The following HAUS3 variants were observed in gnomAD, a reference collection of about 807,000 sequenced individuals.
HAUS3 encodes the protein HAUS augmin like complex subunit 3.
Under a neutral mutation model 55.2 loss-of-function variants are expected in HAUS3, and 36 were observed. The ratio of observed to expected loss-of-function variants is 0.65; its 90% CI spans 0.50 to 0.86. The LOEUF is 0.86. HAUS3 is among the 40% of genes least tolerant of loss of function. The pLI is 0.00. For synonymous variants in HAUS3, 234 were observed against 238.6 expected (o/e 0.98, Z 0.18); for missense variants, 752 against 671.5 (o/e 1.12, Z -1.33).
At chr4:2,239,795 C>T (rs1239201297) in intron 3 of HAUS3, among the ~76,000 whole-genome samples, 3 of 152,202 alleles carry the variant, frequency 2.0e-5, no homozygotes, top group Non-Finnish European at 4.4e-5. Context: ...CAAATTAAAG[C>T]ACTTTTGTTT....
chr4:2,228,349 T>C lies in HAUS3; in HGVS notation c.*3578A>G, dbSNP rs1684451591. 7.5e-6 allele frequency: 1 copy of C among 133,948 alleles called. No individual in the cohort carries two copies. The highest frequency in any genetic ancestry group is 1.6e-5 in the Non-Finnish European group (1 of 64,066). 8.3% of individuals were successfully genotyped at this position (133,948 alleles called of 1,614,324 possible). A position where few individuals can be genotyped will look rare whatever the true frequency, so the allele number is the denominator to read the frequency against. On this transcript the variant is annotated 3_prime_UTR_variant, in exon 6 of 6. Transcript: ENST00000443786. ...TTTGTGAGCATATCACTGCTTTCAC[T>C]TTTTTTTTTTTTTTTTTTTGAGATA...
intron 5 of HAUS3, among the ~76,000 whole-genome samples, chr4:2,233,907 C>T (rs937749906): frequency 4.8e-5 from 7 of 145,162 alleles, no homozygotes; most frequent in Non-Finnish European, 7.4e-5. Context: ...GCAATCTGGC[C>T]ATATCAAAGG....
At chr4:2,232,565 T>C (rs1271447517) in intron 5 of HAUS3, among the ~76,000 whole-genome samples, 1 of 152,224 alleles carries the variant, frequency 6.6e-6, no homozygotes, top group African/African-American at 2.4e-5. Context: ...CTGTTTATTC[T>C]GGACAGAAGG....
intron 1 of HAUS3, 124 bp from the exon 2 acceptor site, chr4:2,241,914 C>CG (rs1735004428): frequency 2.0e-6 from 2 of 985,390 alleles, no homozygotes; most frequent in African/African-American, 3.5e-5. Context: ...CCCTGATCCC[C>CG]GGGCAGCTGC....
rs921670193 is a variant in HAUS3 at position 2,229,256 on chromosome 4, T to A, written c.*2671A>T. 5 of 1,572,352 alleles carry A rather than the reference T, an allele frequency of 3.2e-6. No homozygotes were observed. The highest frequency in any genetic ancestry group is 4.3e-6 in the Non-Finnish European group (5 of 1,155,516). On this transcript the variant is annotated 3_prime_UTR_variant, in exon 6 of 6. Transcript: ENST00000443786. Reference sequence around the variant, plus strand: ...TTTTCACAAAATCCTAAATGTAAGATTAACATAAGATAAATCCCATATATT... The same window carrying A: ...TTTTCACAAAATCCTAAATGTAAGAATAACATAAGATAAATCCCATATATT...
chr4:2,241,030 C>G lies in HAUS3; in HGVS notation c.-84G>C. 1 of 1,038,174 alleles carries G rather than the reference C, an allele frequency of 9.6e-7. No individual in the cohort carries two copies. Among genetic ancestry groups the G allele is most frequent in the Non-Finnish European group, 1.4e-6 (1 of 704,880 alleles). 64.3% of individuals were successfully genotyped at this position (1,038,174 alleles called of 1,614,324 possible). A position where few individuals can be genotyped will look rare whatever the true frequency, so the allele number is the denominator to read the frequency against. ...AAAATAAATCCAAGCAGAAAAAAAGCTACGTTTTATACCAAGTCCACAGAG... is the reference window on the plus strand; with the variant it reads ...AAAATAAATCCAAGCAGAAAAAAAGGTACGTTTTATACCAAGTCCACAGAG... On this transcript the variant is annotated 5_prime_UTR_variant, in exon 3 of 6. Transcript: ENST00000443786.
intron 5 of HAUS3, among the ~76,000 whole-genome samples, chr4:2,232,633 ATTTTTCAT>A (rs1395009631): frequency 6.6e-6 from 1 of 152,090 alleles, no homozygotes; most frequent in Non-Finnish European, 1.5e-5. Flanking sequence ...ACAAATCTCC[ATTTTTCAT>A]TTTTTCATAT....
chr4:2,238,830 T>A lies in HAUS3; in HGVS notation c.1123A>T (p.Asn375Tyr). Residue 375 changes from asparagine (N) to tyrosine (Y), a missense_variant, in exon 4 of 6, where the codon AAT (asparagine) becomes TAT (tyrosine). Coordinates refer to ENST00000443786, the MANE Select transcript of HAUS3 (RefSeq NM_001303143.2). ...GATGCCTTTTGTTTTATTAATTGAT[T>A]TAAAACTAACTCTTGTCTTGCTGTA... ...YYTARQELVL[N>Y]QLIKQKASFE... 6.2e-7 allele frequency: 1 copy of A among 1,613,050 alleles called. No individual in the cohort carries two copies.
rs1734991489 is a variant in HAUS3, at chr4:2,241,614, A to T, written c.-242T>A. On this transcript the variant is annotated 5_prime_UTR_variant, in exon 2 of 6. Transcript: ENST00000443786. ...GCAGGGAAGCGCGCGGCCACAATTA[A>T]GGGTGCTTCGGGCCGGCCTTCAGCC... 1.0e-6 allele frequency: 1 copy of T among 985,366 alleles called. No homozygotes were observed. Among genetic ancestry groups the T allele is most frequent in the African/African-American group, 1.7e-5 (1 of 57,218 alleles). 61.0% of individuals were successfully genotyped at this position (985,366 alleles called of 1,614,324 possible). A position where few individuals can be genotyped will look rare whatever the true frequency, so the allele number is the denominator to read the frequency against.
Position 2,236,419 on chromosome 4 carries a change from C to T in HAUS3, c.1387G>A (p.Glu463Lys), listed in dbSNP as rs773502926. ...AGGTTTCCATGAGTTAGAAACAATT[C>T]TTTTTTCTTATTCTCTCCCTCCAAA... ...QVLEGENKKKELFLTHGNLEE... is the reference protein window; with the variant it reads ...QVLEGENKKKKLFLTHGNLEE... The change falls in exon 5 of 6, where the codon GAA (glutamate) becomes AAA (lysine). Residue 463 changes from glutamate to lysine, a missense_variant. By Grantham distance (56) the Glu-to-Lys change is moderately conservative. Coordinates refer to ENST00000443786, the MANE Select transcript of HAUS3 (RefSeq NM_001303143.2). 6.2e-7 allele frequency: 1 copy of T among 1,613,140 alleles called. No homozygotes were observed. Among genetic ancestry groups the T allele is most frequent in the East Asian group, 2.2e-5 (1 of 44,838 alleles).
chr4:2,239,184 A>T (rs956330022), intron 3 of HAUS3, 141 bp from the exon 4 acceptor site: 2 of 516,964 alleles, frequency 3.9e-6, no homozygotes, highest in Non-Finnish European at 6.6e-6. Flanking sequence ...ATAAACAAAA[A>T]TTACAGTTTA....
Position 2,240,937 on chromosome 4 carries a change from C to T in HAUS3, c.10G>A (p.Gly4Arg), listed in dbSNP as rs763377769. Residue 4 changes from glycine to arginine, a missense_variant, in exon 3 of 6, where the codon GGA becomes AGA. Transcript: ENST00000443786. ...TTTAATGTTTCCACAAACTCATTTC[C>T]ACAACTCATGGTTTTAACTACCCCA... MSC[G>R]NEFVETLKKI... The T allele has an allele frequency of 6.3e-7, 1 of 1,594,710 alleles. No individual in the cohort carries two copies. Among genetic ancestry groups the T allele is most frequent in the Non-Finnish European group, 8.5e-7 (1 of 1,178,070 alleles).
At position 2,228,979 on chromosome 4, in the gene HAUS3, G is replaced by A. The variant is rs1734480503; in HGVS notation, c.*2948C>T. ...GAAGCTCAGTCTGCACTGAATGAGT[G>A]TAAAAGGGGCGGGAGCTGGGCTTCA... On this transcript the variant is annotated 3_prime_UTR_variant, in exon 6 of 6. Coordinates refer to ENST00000443786, the MANE Select transcript of HAUS3 (RefSeq NM_001303143.2). 3.0e-6 allele frequency: 3 copies of A among 990,430 alleles called. No individual in the cohort carries two copies. The highest frequency in any genetic ancestry group is 2.6e-5 in the East Asian group (1 of 37,936). The allele number at this position is 990,430 out of a possible 1,614,324, so 61.4% of individuals were successfully genotyped here.
At chr4:2,235,879 T>G (rs1052778513) in intron 5 of HAUS3, among the ~76,000 whole-genome samples, 10 of 152,176 alleles carry the variant, frequency 6.6e-5, no homozygotes, top group Non-Finnish European at 1.5e-5. Flanking sequence ...CATGTACCAT[T>G]AAGTGTACAC....
In HAUS3 at chr4:2,229,143, G is replaced by A. The variant is rs201278233; in HGVS notation, c.*2784C>T. 5.0e-6 allele frequency: 8 copies of A among 1,611,090 alleles called. No homozygotes were observed. In the African/African-American group the frequency reaches 5.3e-5, roughly 11 times the overall value. On this transcript the variant is annotated 3_prime_UTR_variant, in exon 6 of 6. Transcript: ENST00000443786. Reference sequence around the variant, plus strand: ...AGTCTTAGAATCCACTAAATCACCTGAATGCATAGCAGACATAATCTTCTG... The same window carrying A: ...AGTCTTAGAATCCACTAAATCACCTAAATGCATAGCAGACATAATCTTCTG...
Position 2,241,560 on chromosome 4 carries a change from C to A in HAUS3, c.-188G>T. On this transcript the variant is annotated 5_prime_UTR_variant, in exon 2 of 6. Transcript: ENST00000443786. ...GGCAAGGCTCCACCTCCAGAGTCCA[C>A]CACCGCGACGCGGAGAACAGCAGGA... The A allele has an allele frequency of 3.0e-6, 3 of 985,872 alleles. No homozygotes were observed. Among genetic ancestry groups the A allele is most frequent in the Non-Finnish European group, 3.6e-6 (3 of 830,272 alleles). 61.1% of individuals were successfully genotyped at this position (985,872 alleles called of 1,614,324 possible).
At position 2,240,318 on chromosome 4, in the gene HAUS3, C is replaced by T; in HGVS notation, c.629G>A (p.Ser210Asn). The T allele has an allele frequency of 6.2e-7, 1 of 1,606,730 alleles. No homozygotes were observed. The highest frequency in any genetic ancestry group is 8.5e-7 in the Non-Finnish European group (1 of 1,175,484). ...LEKYLSQEEQ[S>N]TAALTLYTKK... is the part of the protein sequence containing the mutation. ...GGTATACAAAGTTAATGCTGCTGTG[C>T]TTTGCTCTTCCTGACTTAGGTATTT... The change falls in exon 3 of 6, where the codon AGC becomes AAC. Residue 210 changes from serine to asparagine, a missense_variant. Coordinates refer to ENST00000443786, the MANE Select transcript of HAUS3 (RefSeq NM_001303143.2).
Position 2,234,665 on chromosome 4 carries a change from T to A in HAUS3, c.1578+1563A>T, listed in dbSNP as rs188903735. On this transcript the variant is annotated intron_variant, in intron 5 of 5. Transcript: ENST00000443786. ...GAAAAGAAAACTATATGCCTTACAT[T>A]ACTAAGCAAAAGAAAAATGGCAAAG... 2.1e-3 allele frequency among the ~76,000 whole-genome samples: 322 copies of A among 152,198 alleles called. 5 individuals are homozygous for A. Among genetic ancestry groups the A allele is most frequent in the Middle Eastern group, 0.02 (6 of 294 alleles).
chr4:2,234,472 C>T (rs17132382), intron 5 of HAUS3: 25,408 of 153,362 alleles, frequency 0.17, 3,617 homozygotes, highest in African/African-American at 0.37. Flanking sequence ...TGACCTGGGA[C>T]AAAGGCACGT....
Sources: gnomAD v4.1 joint callset for allele counts (sites outside exome capture counted in the v4.1 genomes callset) on GRCh38, gnomAD v4.1.1 for gene constraint, MANE v1.5 for transcripts, NCBI Gene and HGNC (gene_info 2026-07-23, HGNC 2026-07-21) for gene names.